GLG1: variants seen among roughly 807,000 people sequenced by gnomAD.
GLG1 encodes Golgi apparatus protein 1.
In GLG1, 38 loss-of-function variants were observed where a neutral mutation model predicts 160.5. That is an observed-to-expected ratio of 0.24 (90% CI 0.18 to 0.31). The LOEUF is 0.31. Ranked by LOEUF, GLG1 falls within the 10% of genes least tolerant of loss-of-function variation. The pLI is 1.00. For missense variants in GLG1, 1,373 were observed against 1,505.2 expected (o/e 0.91, Z 1.45); for synonymous variants, 644 against 543.4 (o/e 1.19, Z -2.57).
intron 1 of GLG1, chr16:74,552,435 G>C: frequency 3.7e-6 from 2 of 538,870 alleles, no homozygotes; most frequent in Non-Finnish European, 7.4e-6. Flanking sequence ...ATGAAGGAAC[G>C]GTTTGTCTGG....
At chr16:74,573,603 TTA>T (rs1347409213) in intron 1 of GLG1, among the ~76,000 whole-genome samples, 138 of 85,094 alleles carry the variant, frequency 1.6e-3, no homozygotes, top group African/African-American at 6.0e-3. Flanking sequence ...TTTTTTTTTT[TTA>T]AATAGAGACA....
chr16:74,487,922 C>T (rs781570500), intron 8 of GLG1, among the ~76,000 whole-genome samples: 15 of 147,932 alleles, frequency 1.0e-4, no homozygotes, highest in African/African-American at 3.7e-4. Context: ...GATTATACAC[C>T]TATTCCAGCC....
At chr16:74,591,188 G>T (rs1166645850) in intron 1 of GLG1, among the ~76,000 whole-genome samples, 1 of 151,542 alleles carries the variant, frequency 6.6e-6, no homozygotes, top group African/African-American at 2.4e-5. Flanking sequence ...AAAATTAGCT[G>T]GGTGTCTTGG....
At chr16:74,573,604 TA>T (rs2018900987) in intron 1 of GLG1, among the ~76,000 whole-genome samples, 3 of 78,054 alleles carry the variant, frequency 3.8e-5, no homozygotes, top group African/African-American at 1.7e-4. Flanking sequence ...TTTTTTTTTT[TA>T]AATAGAGACA....
At chr16:74,525,959 C>T (rs1345375624) in intron 2 of GLG1, among the ~76,000 whole-genome samples, 2 of 152,054 alleles carry the variant, frequency 1.3e-5, no homozygotes, top group African/African-American at 4.8e-5. Context: ...AGATGGATAC[C>T]AGCCTGGGCC....
intron 4 of GLG1, among the ~76,000 whole-genome samples, chr16:74,499,107 G>A (rs1597271980): frequency 6.6e-6 from 1 of 152,134 alleles, no homozygotes; most frequent in Non-Finnish European, 1.5e-5. Flanking sequence ...GCTCAGAGGA[G>A]TTAACTAACT....
intron 1 of GLG1, among the ~76,000 whole-genome samples, chr16:74,602,815 C>G (rs1460935169): frequency 1.3e-5 from 2 of 150,216 alleles, no homozygotes; most frequent in African/African-American, 4.9e-5. Flanking sequence ...ACAGTTGAAG[C>G]TGGGTGATGT....
At chr16:74,544,575 C>A (rs369895924) in intron 1 of GLG1, among the ~76,000 whole-genome samples, 6 of 152,300 alleles carry the variant, frequency 3.9e-5, no homozygotes, top group African/African-American at 1.4e-4. Flanking sequence ...AGCGTGATCA[C>A]GGCTCACTGT....
At chr16:74,478,128 AG>A (rs1488446886) in intron 11 of GLG1, among the ~76,000 whole-genome samples, 5 of 152,208 alleles carry the variant, frequency 3.3e-5, no homozygotes, top group Non-Finnish European at 7.3e-5. Flanking sequence ...TCCTGATAAA[AG>A]TGAACTGGCT....
chr16:74,503,155 G>A (rs377481583), intron 4 of GLG1, among the ~76,000 whole-genome samples: 2 of 151,790 alleles, frequency 1.3e-5, no homozygotes, highest in Non-Finnish European at 2.9e-5. Context: ...TGCAATGAGC[G>A]GAAATCCCAC....
intron 2 of GLG1, among the ~76,000 whole-genome samples, chr16:74,529,362 T>G (rs1242684371): frequency 6.6e-6 from 1 of 152,150 alleles, no homozygotes; most frequent in Non-Finnish European, 1.5e-5. Flanking sequence ...AATGTCTAAT[T>G]GATTTTCTTA....
chr16:74,484,025 GA>G (rs5817910), intron 9 of GLG1, among the ~76,000 whole-genome samples: 36,601 of 151,810 alleles, frequency 0.24, 4,698 homozygotes, highest in Middle Eastern at 0.34. Context: ...AAGGTTAACT[GA>G]TAAGTATCTT....
intron 4 of GLG1, among the ~76,000 whole-genome samples, chr16:74,498,448 G>GTA (rs61033032): frequency 0.01 from 248 of 24,052 alleles, 56 homozygotes; most frequent in South Asian, 0.038. Context: ...AAAAAAAAAA[G>GTA]TATATATATA....
At chr16:74,528,752 C>A (rs1264113240) in intron 2 of GLG1, among the ~76,000 whole-genome samples, 2 of 128,322 alleles carry the variant, frequency 1.6e-5, no homozygotes, top group African/African-American at 6.0e-5. Flanking sequence ...GCGGAAGTTT[C>A]AGTGAGCCGA....
At chr16:74,471,900 G>T (rs1392354175) in intron 14 of GLG1, among the ~76,000 whole-genome samples, 1 of 74,714 alleles carries the variant, frequency 1.3e-5, no homozygotes, top group Admixed American at 1.7e-4. Context: ...TCTCTCTCTC[G>T]ATCTTGTTTA....
chr16:74,585,630 C>A (rs1279280072), intron 1 of GLG1, among the ~76,000 whole-genome samples: 1 of 148,348 alleles, frequency 6.7e-6, no homozygotes, highest in Non-Finnish European at 1.5e-5. Context: ...ATGGCGTGAA[C>A]TCAGGAGGCA....
At chr16:74,493,938 T>G (rs559863846) in intron 6 of GLG1, among the ~76,000 whole-genome samples, 1 of 152,058 alleles carries the variant, frequency 6.6e-6, no homozygotes, top group African/African-American at 2.4e-5. Flanking sequence ...AAAACCACAG[T>G]GAGAGGCGGG....
At chr16:74,484,220 G>C (rs963483267) in intron 9 of GLG1, among the ~76,000 whole-genome samples, 1 of 152,134 alleles carries the variant, frequency 6.6e-6, no homozygotes, top group African/African-American at 2.4e-5. Context: ...TTGCATAGCA[G>C]CATGAGATAA....
intron 2 of GLG1, among the ~76,000 whole-genome samples, chr16:74,531,672 A>G (rs1446021720): frequency 6.6e-6 from 1 of 152,144 alleles, no homozygotes; most frequent in Non-Finnish European, 1.5e-5. Context: ...CACCTGGACA[A>G]AATTCATTTT....
Sources: allele counts gnomAD v4.1 joint callset (sites outside exome capture counted in the v4.1 genomes callset), GRCh38; gene constraint gnomAD v4.1.1; transcripts MANE v1.5; gene names NCBI Gene and HGNC (gene_info 2026-07-23, HGNC 2026-07-21).